ILKAP: variants seen among roughly 807,000 people sequenced by gnomAD.
The protein encoded by ILKAP is ILK associated serine/threonine phosphatase, also known as integrin-linked kinase-associated serine/threonine phosphatase 2C.
Under a neutral mutation model 49.1 loss-of-function variants are expected in ILKAP, and 11 were observed. The ratio of observed to expected loss-of-function variants is 0.22; its 90% CI spans 0.14 to 0.37. The LOEUF is 0.37. ILKAP is among the 10% of genes least tolerant of loss of function. The pLI is 1.00. For synonymous variants in ILKAP, 186 were observed against 192.8 expected (o/e 0.96, Z 0.29); for missense variants, 363 against 510.8 (o/e 0.71, Z 2.79).
At chr2:238,178,185 ATATTTT>A (rs1194097163) in intron 9 of ILKAP, among the ~76,000 whole-genome samples, 1 of 152,158 alleles carries the variant, frequency 6.6e-6, no homozygotes, top group Non-Finnish European at 1.5e-5. Flanking sequence ...TAAAGTTAGG[ATATTTT>A]TATTTTTTGA....
At chr2:238,189,036 G>A (rs572982676) in intron 4 of ILKAP, among the ~76,000 whole-genome samples, 2 of 151,254 alleles carry the variant, frequency 1.3e-5, no homozygotes, top group South Asian at 2.1e-4. Context: ...CCCACAGCTC[G>A]GGCCAGGCAC....
chr2:238,202,123 G>A (rs2106343324), intron 1 of ILKAP, among the ~76,000 whole-genome samples: 1 of 152,336 alleles, frequency 6.6e-6, no homozygotes, highest in South Asian at 2.1e-4. Context: ...TAGTAGGGAG[G>A]CCTAGGCAGG....
intron 5 of ILKAP, chr2:238,186,789 T>C (rs1346935349): frequency 6.6e-6 from 1 of 152,132 alleles, no homozygotes; most frequent in Non-Finnish European, 1.5e-5. Context: ...TTGGAATTCC[T>C]TTTCAATTTA....
intron 9 of ILKAP, among the ~76,000 whole-genome samples, chr2:238,177,642 G>A (rs1693518384): frequency 6.6e-6 from 1 of 152,124 alleles, no homozygotes; most frequent in Admixed American, 6.6e-5. Flanking sequence ...TTTGTAGCAT[G>A]GGTCAGAATT....
At position 238,179,371 on chromosome 2, in the gene ILKAP, T is replaced by C. The variant is rs749885446; in HGVS notation, c.836+2694A>G. 4.6e-5 allele frequency among the ~76,000 whole-genome samples: 7 copies of C among 152,346 alleles called. No homozygotes were observed. In the South Asian group the frequency reaches 6.2e-4, roughly 14 times the overall value. ...AATGGATAAAGGACAGAATGAAACATTGACCCTGCTTTTTTAGAAGAATCT... is the reference window on the plus strand; with the variant it reads ...AATGGATAAAGGACAGAATGAAACACTGACCCTGCTTTTTTAGAAGAATCT... On this transcript the variant is annotated intron_variant, in intron 9 of 11. Transcript: ENST00000254654.
intron 8 of ILKAP, among the ~76,000 whole-genome samples, chr2:238,183,157 G>A (rs1347795169): frequency 6.6e-6 from 1 of 152,182 alleles, no homozygotes; most frequent in Non-Finnish European, 1.5e-5. Flanking sequence ...AACACCCTGG[G>A]CTTTCTCCCT....
chr2:238,187,284 G>A (rs2106334953), intron 5 of ILKAP, among the ~76,000 whole-genome samples: 1 of 152,246 alleles, frequency 6.6e-6, no homozygotes, highest in East Asian at 1.9e-4. Flanking sequence ...CTCTACATAT[G>A]ATCAGCTGCT....
At chr2:238,171,155 TTTTTC>T (rs1559286077) in intron 10 of ILKAP, 131 bp from the exon 11 acceptor site, 3 of 607,302 alleles carry the variant, frequency 4.9e-6, no homozygotes, top group African/African-American at 3.8e-5. Context: ...TTTTTTTTCT[TTTTTC>T]TTTTTTTTTT....
chr2:238,182,949 G>C (rs1459962591), intron 8 of ILKAP, among the ~76,000 whole-genome samples: 1 of 152,194 alleles, frequency 6.6e-6, no homozygotes, highest in Non-Finnish European at 1.5e-5. Context: ...ATCGTGGGGA[G>C]GGGTCTAAAG....
At chr2:238,198,367 T>A (rs574352135) in intron 1 of ILKAP, among the ~76,000 whole-genome samples, 2 of 152,044 alleles carry the variant, frequency 1.3e-5, no homozygotes, top group South Asian at 4.2e-4. Flanking sequence ...GATTCCCGAG[T>A]AGCTGAAACT....
At chr2:238,202,596 T>C (rs562516700) in intron 1 of ILKAP, among the ~76,000 whole-genome samples, 44 of 152,340 alleles carry the variant, frequency 2.9e-4, no homozygotes, top group African/African-American at 1.0e-3. Flanking sequence ...CCTGGAAATC[T>C]GAACGTCTTA....
chr2:238,190,905 A>G (rs917956817), intron 3 of ILKAP, among the ~76,000 whole-genome samples: 2 of 134,762 alleles, frequency 1.5e-5, no homozygotes, highest in African/African-American at 5.3e-5. Context: ...AAAAAAAAAA[A>G]GGATGCAAGT....
At chr2:238,173,299 C>G (rs1433060645) in intron 10 of ILKAP, among the ~76,000 whole-genome samples, 1 of 152,180 alleles carries the variant, frequency 6.6e-6, no homozygotes, top group Non-Finnish European at 1.5e-5. Flanking sequence ...GCCAAAGACC[C>G]CAGCACACAG....
intron 2 of ILKAP, 124 bp downstream of exon 2, chr2:238,194,681 G>T: frequency 1.0e-6 from 1 of 984,636 alleles, no homozygotes; most frequent in Non-Finnish European, 1.5e-6. Context: ...AAAACTTAAA[G>T]ACAGTCCAAC....
intron 9 of ILKAP, 123 bp downstream of exon 9, chr2:238,181,942 C>T: frequency 9.5e-7 from 1 of 1,048,688 alleles, no homozygotes; most frequent in Non-Finnish European, 1.4e-6. Flanking sequence ...TGTTAGATCT[C>T]AGACAGAGCC....
chr2:238,173,340 G>T (rs377293867), intron 10 of ILKAP, among the ~76,000 whole-genome samples, 194 bp downstream of exon 10: 38 of 100,626 alleles, frequency 3.8e-4, no homozygotes, highest in African/African-American at 1.3e-3. Context: ...GACTGCAGCT[G>T]CCCATCCCCA....
At chr2:238,191,425 G>A (rs1245789002) in intron 3 of ILKAP, among the ~76,000 whole-genome samples, 1 of 152,186 alleles carries the variant, frequency 6.6e-6, no homozygotes, top group Non-Finnish European at 1.5e-5. Context: ...CTGCCCTCAA[G>A]AAGCGTAAAT....
At position 238,173,393 on chromosome 2, in the gene ILKAP, C is replaced by T. The variant is rs558807628; in HGVS notation, c.956+141G>A. 17 of 1,101,366 alleles carry T rather than the reference C, an allele frequency of 1.5e-5. No individual in the cohort carries two copies. In the East Asian group the frequency reaches 3.8e-4, roughly 25 times the overall value. The allele number at this position is 1,101,366 out of a possible 1,614,324, so 68.2% of individuals were successfully genotyped here. A position where few individuals can be genotyped will look rare whatever the true frequency, so the allele number is the denominator to read the frequency against. On this transcript the variant is annotated intron_variant, in intron 10 of 11. Coordinates refer to ENST00000254654, the MANE Select transcript of ILKAP (RefSeq NM_030768.3). ...CTGTGGACCCCACCAGAGCAGAAAC[C>T]ACATTTTGTTTATCTCTGCACCCCC...
chr2:238,191,927 A>G (rs1050250963), intron 3 of ILKAP, among the ~76,000 whole-genome samples: 19 of 151,750 alleles, frequency 1.3e-4, no homozygotes, highest in Non-Finnish European at 2.9e-5. Flanking sequence ...AAGAAAAAGA[A>G]AAAGGCCAGG....
Sources: gnomAD v4.1 joint callset for allele counts (sites outside exome capture counted in the v4.1 genomes callset) on GRCh38, gnomAD v4.1.1 for gene constraint, MANE v1.5 for transcripts, NCBI Gene and HGNC (gene_info 2026-07-23, HGNC 2026-07-21) for gene names.